CD163: variants seen among roughly 807,000 people sequenced by gnomAD.
The protein encoded by CD163 is scavenger receptor cysteine-rich type 1 protein M130.
CD163 carries 64 observed loss-of-function variants against 129.2 expected under a neutral mutation model. The observed-to-expected ratio is 0.50, with a 90% CI of 0.41 to 0.61. The LOEUF is 0.61. Ranked by LOEUF, CD163 falls within the 20% of genes least tolerant of loss-of-function variation. CD163 has a pLI of 0.00. For synonymous variants in CD163, 446 were observed against 478.5 expected (o/e 0.93, Z 0.89); for missense variants, 1,061 against 1,377.9 (o/e 0.77, Z 3.64).
chr12:7,479,841 A>G lies in CD163; in HGVS notation c.*31+19T>C. The stretch of plus-strand genomic sequence containing the variant: ...ATGCAGCTGTTTTGAACAATGACTA[A>G]TAAATTCTCATCACTCACCTCACTG... On this transcript the variant is annotated intron_variant, in intron 16 of 16. Transcript: ENST00000432237. 6.2e-7 allele frequency: 1 copy of G among 1,609,050 alleles called. No homozygotes were observed. The highest frequency in any genetic ancestry group is 8.5e-7 in the Non-Finnish European group (1 of 1,178,150).
rs371564084 is a variant in CD163, at chr12:7,495,137, C to T, written c.1364G>A (p.Trp455Ter). The T allele has an allele frequency of 1.1e-5, 17 of 1,614,022 alleles. No homozygotes were observed. The highest frequency in any genetic ancestry group is 1.4e-5 in the Non-Finnish European group (17 of 1,179,998). The change falls in exon 6 of 17, where the codon TGG becomes TAG. Residue 455 changes from tryptophan (W) to a stop codon, truncating the protein, a stop_gained. Coordinates refer to ENST00000432237, the MANE Select transcript of CD163 (RefSeq NM_203416.4). LOFTEE classifies it high-confidence loss of function. ...NETSLWDCKNWQWGGLTCDHY... is the reference protein window; with the variant it reads ...NETSLWDCKN ...ATCACAGGTAAGTCCACCCCATTGC[C>T]AGTTCTTGCAGTCCCAAAGAGAAGT...
chr12:7,485,098 T>C lies in CD163; in HGVS notation c.2777A>G (p.Asp926Gly). The C allele has an allele frequency of 6.3e-7, 1 of 1,596,278 alleles. No homozygotes were observed. The highest frequency in any genetic ancestry group is 1.1e-5 in the South Asian group (1 of 89,022). Residue 926 changes from aspartate to glycine, a missense_variant and splice_region_variant, in exon 11 of 17, where the codon GAC becomes GGC. Transcript: ENST00000432237. The surrounding 1 kb of genome is among the most constrained non-coding windows in gnomAD (Gnocchi z 4.5). ...SPSEETWITC[D>G]NKIRLQEGPT... is the part of the protein sequence containing the mutation. The stretch of plus-strand genomic sequence containing the variant: ...CATATAGGTCGATGGATACTCACTG[T>C]CACATGTGATCCAGGTCTCCTCCGA...
At chr12:7,480,213 T>C (rs777075352) in intron 15 of CD163, 133 of 404,706 alleles carry the variant, frequency 3.3e-4, no homozygotes, top group African/African-American at 2.7e-3. Flanking sequence ...AGCAGATGCA[T>C]AATTCTTTGG....
rs868638455 is a variant in CD163, at chr12:7,485,547, G to T, written c.2459-131C>A. 6.0e-6 allele frequency: 3 copies of T among 499,870 alleles called. No individual in the cohort carries two copies. The South Asian group carries it at 1.4e-4, about 23-fold the overall frequency. 31.0% of individuals were successfully genotyped at this position (499,870 alleles called of 1,614,324 possible). Reference sequence around the variant, plus strand: ...ACAATATGTCAGTTACTAATAATTCGTTAGTAACTTCTGGATGATTTCATA... The same window carrying T: ...ACAATATGTCAGTTACTAATAATTCTTTAGTAACTTCTGGATGATTTCATA... On this transcript the variant is annotated intron_variant, in intron 10 of 16. Coordinates refer to ENST00000432237, the MANE Select transcript of CD163 (RefSeq NM_203416.4). This position sits in a 1 kb window ranked among gnomAD's most constrained non-coding sequence, Gnocchi z 4.5.
chr12:7,495,661 G>A (rs1949390163), intron 5 of CD163, among the ~76,000 whole-genome samples: 2 of 152,192 alleles, frequency 1.3e-5, no homozygotes, highest in Non-Finnish European at 2.9e-5. Context: ...AAAAGTGGGT[G>A]AAGGGTATGA....
At chr12:7,492,158 G>A (rs1161107083) in intron 6 of CD163, among the ~76,000 whole-genome samples, 1 of 151,700 alleles carries the variant, frequency 6.6e-6, no homozygotes, top group African/African-American at 2.4e-5. Flanking sequence ...AAAAACCAAG[G>A]CCCCCAACAT....
intron 1 of CD163, chr12:7,502,831 C>A: frequency 1.8e-6 from 1 of 546,898 alleles, no homozygotes; most frequent in South Asian, 2.7e-5. Flanking sequence ...CAAGGTCAAC[C>A]CTTAAAACCT....
chr12:7,480,063 T>C, intron 15 of CD163, 150 bp from the exon 16 acceptor site: 1 of 1,493,238 alleles, frequency 6.7e-7, no homozygotes, highest in Non-Finnish European at 9.0e-7. Context: ...TGAGGCTCTT[T>C]GAGCAACTAA....
At chr12:7,495,462 T>G in intron 5 of CD163, 61 bp from the exon 6 acceptor site, 2 of 1,447,184 alleles carry the variant, frequency 1.4e-6, no homozygotes, top group Non-Finnish European at 1.9e-6. Context: ...CCAGAGGATT[T>G]TTTTTTGTCT....
Position 7,480,058 on chromosome 12 carries a change from C to A in CD163, c.3344-145G>T. 4.0e-6 allele frequency: 6 copies of A among 1,504,136 alleles called. No homozygotes were observed. In the South Asian group the frequency reaches 7.6e-5, roughly 19 times the overall value. The allele number at this position is 1,504,136 out of a possible 1,614,324, so 93.2% of individuals were successfully genotyped here. A position where few individuals can be genotyped will look rare whatever the true frequency, so the allele number is the denominator to read the frequency against. On this transcript the variant is annotated intron_variant, in intron 15 of 16. Coordinates refer to ENST00000432237, the MANE Select transcript of CD163 (RefSeq NM_203416.4). ...GACCTCTTCTCACGTAACTGTGAGGCTCTTTGAGCAACTAAAAACACCACC... is the reference window on the plus strand; with the variant it reads ...GACCTCTTCTCACGTAACTGTGAGGATCTTTGAGCAACTAAAAACACCACC...
chr12:7,502,391 T>C, intron 2 of CD163, 87 bp downstream of exon 2: 1 of 811,542 alleles, frequency 1.2e-6, no homozygotes, highest in Non-Finnish European at 2.2e-6. Flanking sequence ...TTTTAGATGC[T>C]ACTTGGCCTT....
chr12:7,476,063 A>C (rs142892866), intron 16 of CD163, among the ~76,000 whole-genome samples: 1 of 152,182 alleles, frequency 6.6e-6, no homozygotes, highest in African/African-American at 2.4e-5. Flanking sequence ...GAGAACTACC[A>C]ACCAGTGCTC....
At position 7,486,739 on chromosome 12, in the gene CD163, A is replaced by C. The variant is rs1565402171; in HGVS notation, c.2218T>G (p.Trp740Gly). ...GRVEIYHEGS[W>G]GTICDDSWDL... ...CAGCTGTCATCACAGATGGTGCCCC[A>C]GGAGCCCTCATGATAGATCTCTACT... Residue 740 changes from tryptophan (W) to glycine (G), a missense_variant, in exon 10 of 17, where the codon TGG becomes GGG. Physicochemically the swap from Trp to Gly is radical, Grantham distance 184. Transcript: ENST00000432237. 1 of 1,614,218 alleles carries C rather than the reference A, an allele frequency of 6.2e-7. No homozygotes were observed. The highest frequency in any genetic ancestry group is 1.1e-5 in the South Asian group (1 of 91,080).
chr12:7,483,900 GCA>G (rs1949205782), intron 11 of CD163, among the ~76,000 whole-genome samples: 1 of 140,294 alleles, frequency 7.1e-6, no homozygotes, highest in African/African-American at 2.7e-5. Context: ...GAGTGCAGTG[GCA>G]CAATCTCGGC....
At chr12:7,502,379 G>C (rs1949502924) in intron 2 of CD163, 99 bp downstream of exon 2, 4 of 782,676 alleles carry the variant, frequency 5.1e-6, no homozygotes, top group Non-Finnish European at 9.3e-6. Flanking sequence ...ATGTCACCTA[G>C]TTTTTAGATG....
chr12:7,473,818 A>G (rs975854431), intron 16 of CD163, among the ~76,000 whole-genome samples: 1 of 152,176 alleles, frequency 6.6e-6, no homozygotes, highest in Non-Finnish European at 1.5e-5. Context: ...GGCGTGCTGT[A>G]TTCAGGAGAC....
intron 2 of CD163, among the ~76,000 whole-genome samples, chr12:7,501,812 A>C (rs1040456785): frequency 6.6e-6 from 1 of 152,206 alleles, no homozygotes; most frequent in Non-Finnish European, 1.5e-5. Context: ...AACTTTTTAC[A>C]TTTCTCCAAA....
rs1948999537 is a variant in CD163 at position 7,471,292 on chromosome 12, G to A, written c.*137C>T. On this transcript the variant is annotated 3_prime_UTR_variant, in exon 17 of 17. Coordinates refer to ENST00000432237, the MANE Select transcript of CD163 (RefSeq NM_203416.4). Reference sequence around the variant, plus strand: ...TCAGCAGCAGTCTTAGGAATCCTAGGAGAAGAAGAACTCCATAAAAATGCA... The same window carrying A: ...TCAGCAGCAGTCTTAGGAATCCTAGAAGAAGAAGAACTCCATAAAAATGCA... 6.6e-6 allele frequency: 1 copy of A among 152,280 alleles called. No individual in the cohort carries two copies. The highest frequency in any genetic ancestry group is 2.4e-5 in the African/African-American group (1 of 41,410). 9.4% of individuals were successfully genotyped at this position (152,280 alleles called of 1,614,324 possible). A position where few individuals can be genotyped will look rare whatever the true frequency, so the allele number is the denominator to read the frequency against.
At chr12:7,495,493 T>G in intron 5 of CD163, 92 bp from the exon 6 acceptor site, 2 of 1,060,592 alleles carry the variant, frequency 1.9e-6, no homozygotes, top group Non-Finnish European at 2.7e-6. Flanking sequence ...CTGATACTGA[T>G]GCATTGAAAA....
Sources: allele counts gnomAD v4.1 joint callset (sites outside exome capture counted in the v4.1 genomes callset), GRCh38; gene constraint gnomAD v4.1.1; non-coding constraint Gnocchi (gnomAD v3.1); transcripts MANE v1.5; gene names NCBI Gene and HGNC (gene_info 2026-07-23, HGNC 2026-07-21).